The following MYH10 variants were observed in gnomAD, a reference collection of about 807,000 sequenced individuals.
MYH10 encodes the protein myosin heavy chain 10, also known as myosin-10.
MYH10 carries 55 observed loss-of-function variants against 257.8 expected under a neutral mutation model. The ratio of observed to expected loss-of-function variants is 0.21; its 90% CI spans 0.17 to 0.27. The LOEUF (loss-of-function observed/expected upper bound fraction) is 0.27. MYH10 is among the 10% of genes least tolerant of loss of function. The pLI is 1.00. For synonymous variants in MYH10, 854 were observed against 921.7 expected (o/e 0.93, Z 1.33); for missense variants, 1,631 against 2,500.6 (o/e 0.65, Z 7.42).
intron 37 of MYH10, among the ~76,000 whole-genome samples, chr17:8,483,344 A>C (rs1313855458): frequency 6.6e-6 from 1 of 152,226 alleles, no homozygotes; most frequent in Non-Finnish European, 1.5e-5. Flanking sequence ...AGAGGACAGC[A>C]GGACGAAAAC....
At chr17:8,481,296 C>T (rs1046634573) in intron 38 of MYH10, 26 bp downstream of exon 38, 1 of 1,610,318 alleles carries the variant, frequency 6.2e-7, no homozygotes, top group Non-Finnish European at 8.5e-7. Flanking sequence ...GGGCGAAGAA[C>T]CCACCCCCGG....
intron 36 of MYH10, among the ~76,000 whole-genome samples, chr17:8,487,016 T>C (rs1449113097): frequency 1.3e-5 from 2 of 152,216 alleles, no homozygotes; most frequent in East Asian, 3.8e-4. Flanking sequence ...GCTCACACCA[T>C]GAACTCTTGC....
intron 4 of MYH10, among the ~76,000 whole-genome samples, chr17:8,577,961 T>TC (rs2083562040): frequency 1.3e-5 from 2 of 152,232 alleles, no homozygotes; most frequent in South Asian, 4.1e-4. Flanking sequence ...TGAAGAAAAC[T>TC]CCTCAGTACC....
intron 7 of MYH10, among the ~76,000 whole-genome samples, chr17:8,557,597 C>T (rs1441441916): frequency 6.6e-6 from 1 of 152,208 alleles, no homozygotes; most frequent in Non-Finnish European, 1.5e-5. Context: ...TATACTCAGG[C>T]ACTATGTCGT....
chr17:8,586,666 G>C (rs183098184), intron 4 of MYH10, among the ~76,000 whole-genome samples: 1 of 152,326 alleles, frequency 6.6e-6, no homozygotes, highest in Non-Finnish European at 1.5e-5. Context: ...TGGTGACAAA[G>C]TACAAACTAA....
intron 4 of MYH10, among the ~76,000 whole-genome samples, chr17:8,582,487 A>G (rs2083745838): frequency 6.6e-6 from 1 of 152,266 alleles, no homozygotes; most frequent in African/African-American, 2.4e-5. Flanking sequence ...CTGCAGTCCC[A>G]GCATCGTGCT....
intron 36 of MYH10, among the ~76,000 whole-genome samples, chr17:8,486,850 C>T (rs1019205925): frequency 2.6e-5 from 4 of 152,130 alleles, no homozygotes; most frequent in African/African-American, 9.7e-5. Context: ...AAAACTTCTG[C>T]TAAAGATCTT....
At chr17:8,479,419 C>T (rs944859072) in intron 40 of MYH10, among the ~76,000 whole-genome samples, 1 of 152,212 alleles carries the variant, frequency 6.6e-6, no homozygotes, top group African/African-American at 2.4e-5. Context: ...TAGAGACAGT[C>T]AGCTGAAAGG....
chr17:8,582,571 A>G (rs1197071374), intron 4 of MYH10, among the ~76,000 whole-genome samples: 1 of 152,270 alleles, frequency 6.6e-6, no homozygotes, highest in South Asian at 2.1e-4. Flanking sequence ...GGAGGCTTCT[A>G]GCTGGAGGTG....
intron 4 of MYH10, 93 bp from the exon 5 acceptor site, chr17:8,577,431 ATAAT>A (rs1031730819): frequency 1.5e-5 from 9 of 611,292 alleles, no homozygotes; most frequent in Admixed American, 1.0e-4. Context: ...TATTGGAACA[ATAAT>A]TAATAAAAAT....
At chr17:8,568,118 C>T (rs1260837974) in intron 7 of MYH10, among the ~76,000 whole-genome samples, 1 of 152,124 alleles carries the variant, frequency 6.6e-6, no homozygotes, top group Non-Finnish European at 1.5e-5. Context: ...CGTTTGCTGG[C>T]TCTCCAGATA....
At chr17:8,515,667 C>T (rs951910806) in intron 21 of MYH10, among the ~76,000 whole-genome samples, 17 of 151,172 alleles carry the variant, frequency 1.1e-4, no homozygotes, top group African/African-American at 3.2e-4. Context: ...CTCAGCCTCC[C>T]GAGAAGCTGG....
intron 7 of MYH10, among the ~76,000 whole-genome samples, chr17:8,565,096 A>G (rs780946792): frequency 1.3e-5 from 2 of 152,202 alleles, no homozygotes; most frequent in African/African-American, 2.4e-5. Context: ...TCATAATACC[A>G]TCTATTGATG....
chr17:8,494,556 A>G (rs1916286147), intron 31 of MYH10, among the ~76,000 whole-genome samples: 1 of 151,822 alleles, frequency 6.6e-6, no homozygotes. Flanking sequence ...TTTTTTTTTA[A>G]TCCCCAGCAC....
At chr17:8,486,516 C>CA (rs1048910636) in intron 36 of MYH10, among the ~76,000 whole-genome samples, 29 of 54,526 alleles carry the variant, frequency 5.3e-4, no homozygotes, top group South Asian at 3.4e-3. Context: ...GGAAAAAAAA[C>CA]AAAAAAAAAA....
At chr17:8,513,999 A>G in intron 21 of MYH10, 105 bp from the exon 22 acceptor site, 3 of 976,364 alleles carry the variant, frequency 3.1e-6, no homozygotes, top group Non-Finnish European at 4.6e-6. Context: ...TGTCTAGGAT[A>G]GGGAATGATT....
intron 40 of MYH10, among the ~76,000 whole-genome samples, chr17:8,479,757 GA>G (rs1913355232): frequency 1.3e-5 from 2 of 152,342 alleles, no homozygotes; most frequent in South Asian, 4.1e-4. Flanking sequence ...GAAAGGCTCT[GA>G]TTTGTGTCAT....
chr17:8,610,740 C>T (rs1190229246), intron 2 of MYH10, among the ~76,000 whole-genome samples: 1 of 152,194 alleles, frequency 6.6e-6, no homozygotes, highest in African/African-American at 2.4e-5. Context: ...CGCAAGAAGG[C>T]CCCACCAGAT....
At chr17:8,568,519 T>C (rs559133914) in intron 7 of MYH10, among the ~76,000 whole-genome samples, 1 of 152,124 alleles carries the variant, frequency 6.6e-6, no homozygotes, top group African/African-American at 2.4e-5. Context: ...AAATTATCCA[T>C]CAATGAACTG....
Sources: allele counts gnomAD v4.1 joint callset (sites outside exome capture counted in the v4.1 genomes callset), GRCh38; gene constraint gnomAD v4.1.1; transcripts MANE v1.5; gene names NCBI Gene and HGNC (gene_info 2026-07-23, HGNC 2026-07-21).